ARMH3: variants seen among roughly 807,000 people sequenced by gnomAD.
The protein encoded by ARMH3 is armadillo like helical domain containing 3.
Under a neutral mutation model 99.1 loss-of-function variants are expected in ARMH3, and 60 were observed. The observed-to-expected ratio is 0.61, with a 90% CI of 0.49 to 0.75. ARMH3 has a LOEUF of 0.75. Among genes scored for constraint, ARMH3 ranks in the 30% least tolerant of loss-of-function variants. ARMH3 has a pLI of 0.00. For missense variants in ARMH3, 679 were observed against 843.1 expected (o/e 0.81, Z 2.41); for synonymous variants, 285 against 292.8 (o/e 0.97, Z 0.27).
chr10:101,862,977 G>A (rs1444106867), intron 24 of ARMH3, among the ~76,000 whole-genome samples: 2 of 152,204 alleles, frequency 1.3e-5, no homozygotes, highest in African/African-American at 4.8e-5. Context: ...GCAGAGGCGG[G>A]TGGATCACCT....
Position 101,934,443 on chromosome 10 carries a change from C to T in ARMH3, c.1781+5420G>A, listed in dbSNP as rs542874345. Reference sequence around the variant, plus strand: ...AAAGAAACACACTAAATTCTCATTCCAAACCCCAGGCTTGTCACTAATCAT... The same window carrying T: ...AAAGAAACACACTAAATTCTCATTCTAAACCCCAGGCTTGTCACTAATCAT... On this transcript the variant is annotated intron_variant, in intron 23 of 25. Coordinates refer to ENST00000370033, the MANE Select transcript of ARMH3 (RefSeq NM_024541.3). 2.6e-5 allele frequency among the ~76,000 whole-genome samples: 4 copies of T among 152,290 alleles called. No individual in the cohort carries two copies. The East Asian group carries it at 7.7e-4, about 29-fold the overall frequency.
Position 102,025,157 on chromosome 10 carries a change from G to T in ARMH3, c.506C>A (p.Thr169Asn), listed in dbSNP as rs1209045222. Reference protein sequence around the residue: ...LCLKLLLCLVTVTDNISQNTI... With the variant: ...LCLKLLLCLVNVTDNISQNTI... Reference sequence around the variant, plus strand: ...CCTTGACAAACATAGGTCACTTACGGTCACTAAGCAAAGGAGAAGTTTCAG... The same window carrying T: ...CCTTGACAAACATAGGTCACTTACGTTCACTAAGCAAAGGAGAAGTTTCAG... Residue 169 changes from threonine (T) to asparagine (N), a missense_variant and splice_region_variant, in exon 6 of 26, where the codon ACC becomes AAC. This residue lies in a region of ARMH3 where 280 missense variants were observed against 354.6 expected (regional missense o/e 0.79). Transcript: ENST00000370033. 6.2e-7 allele frequency: 1 copy of T among 1,611,210 alleles called. No homozygotes were observed. The highest frequency in any genetic ancestry group is 1.3e-5 in the African/African-American group (1 of 74,820).
intron 19 of ARMH3, among the ~76,000 whole-genome samples, chr10:101,978,798 G>A (rs1846113425): frequency 6.6e-6 from 1 of 152,014 alleles, no homozygotes; most frequent in Non-Finnish European, 1.5e-5. Flanking sequence ...AAAATTAGCT[G>A]GGCGTGGTGG....
chr10:102,054,605 T>C (rs956487086), intron 1 of ARMH3, among the ~76,000 whole-genome samples: 1 of 152,016 alleles, frequency 6.6e-6, no homozygotes, highest in African/African-American at 2.4e-5. Context: ...CCAAAATAAT[T>C]CCAATCCTGC....
Position 102,033,329 on chromosome 10 carries a change from G to A in ARMH3, c.113C>T (p.Pro38Leu), listed in dbSNP as rs769348346. 1.2e-6 allele frequency: 2 copies of A among 1,614,014 alleles called. No individual in the cohort carries two copies. The highest frequency in any genetic ancestry group is 1.1e-5 in the South Asian group (1 of 91,086). The change falls in exon 3 of 26, where the codon CCC becomes CTC. Residue 38 changes from proline (P) to leucine (L), a missense_variant. By Grantham distance (98) the Pro-to-Leu change is moderately conservative. Around this residue, in one of 3 missense-constraint regions of ARMH3, gnomAD observed 280 missense variants for 354.6 expected, o/e 0.79. Transcript: ENST00000370033. ...CCAAAACCGAGGACTGCACTTACTG[G>A]GGTCCTCTGTCTGAAACCAGAATAT... ...MYDEIFMTED[P>L]SKCSPRFWEE...
At chr10:101,871,525 G>A (rs1411968333) in intron 24 of ARMH3, among the ~76,000 whole-genome samples, 1 of 152,104 alleles carries the variant, frequency 6.6e-6, no homozygotes, top group Admixed American at 6.6e-5. Flanking sequence ...ATGTTCAATT[G>A]ATTTTTTTTT....
chr10:101,909,501 A>C (rs1842783723), intron 23 of ARMH3, among the ~76,000 whole-genome samples: 1 of 110,022 alleles, frequency 9.1e-6, no homozygotes, highest in Admixed American at 1.4e-4. Context: ...ACAGGGTCTC[A>C]CTCTGTCCCG....
At chr10:101,937,074 A>T (rs1320975641) in intron 23 of ARMH3, among the ~76,000 whole-genome samples, 1 of 152,246 alleles carries the variant, frequency 6.6e-6, no homozygotes, top group Non-Finnish European at 1.5e-5. Context: ...AAAGAAAAAA[A>T]TAAGTTTTTC....
intron 19 of ARMH3, among the ~76,000 whole-genome samples, chr10:101,981,546 C>T (rs112780534): frequency 2.3e-3 from 352 of 152,342 alleles, no homozygotes; most frequent in African/African-American, 8.1e-3. Context: ...CCTAAAATTA[C>T]TCTTCTCCAG....
At chr10:102,005,045 A>G (rs886586115) in intron 14 of ARMH3, among the ~76,000 whole-genome samples, 1 of 152,184 alleles carries the variant, frequency 6.6e-6, no homozygotes, top group Non-Finnish European at 1.5e-5. Context: ...TCTACTAAAA[A>G]TACAAAAAAT....
chr10:101,866,165 G>A (rs1322463619), intron 24 of ARMH3, among the ~76,000 whole-genome samples: 1 of 151,570 alleles, frequency 6.6e-6, no homozygotes, highest in African/African-American at 2.4e-5. Flanking sequence ...AGGTTGCAGT[G>A]AGCTGGGATT....
At chr10:101,850,059 T>C (rs910507284) in intron 24 of ARMH3, among the ~76,000 whole-genome samples, 167 bp from the exon 25 acceptor site, 3 of 150,186 alleles carry the variant, frequency 2.0e-5, no homozygotes, top group Admixed American at 6.6e-5. Context: ...GAGCGATGCC[T>C]CAGGTTTCTG....
chr10:102,003,285 C>G (rs2066410225), intron 14 of ARMH3, among the ~76,000 whole-genome samples: 1 of 152,076 alleles, frequency 6.6e-6, no homozygotes, highest in Admixed American at 6.5e-5. Context: ...GCCTCCGCCT[C>G]CCAAATAGCT....
At chr10:102,004,216 C>T (rs983409824) in intron 14 of ARMH3, among the ~76,000 whole-genome samples, 1 of 152,096 alleles carries the variant, frequency 6.6e-6, no homozygotes, top group African/African-American at 2.4e-5. Context: ...GGTGACATAC[C>T]TTTAAATATA....
intron 19 of ARMH3, among the ~76,000 whole-genome samples, chr10:101,979,374 C>T (rs1319160348): frequency 1.3e-5 from 2 of 152,142 alleles, no homozygotes; most frequent in Admixed American, 6.5e-5. Flanking sequence ...TAGTAAAAAT[C>T]CACATATTCT....
chr10:101,854,105 T>G (rs2066676316), intron 24 of ARMH3, among the ~76,000 whole-genome samples: 1 of 152,020 alleles, frequency 6.6e-6, no homozygotes, highest in South Asian at 2.1e-4. Context: ...AGAGCGAGAC[T>G]CCGTCTCAAA....
At chr10:102,011,672 G>A in intron 11 of ARMH3, 51 bp downstream of exon 11, 1 of 1,503,002 alleles carries the variant, frequency 6.7e-7, no homozygotes, top group Non-Finnish European at 9.1e-7. Context: ...CACCCCTGCA[G>A]ACCACACTGT....
intron 8 of ARMH3, among the ~76,000 whole-genome samples, chr10:102,022,238 A>C (rs368014792): frequency 2.0e-5 from 3 of 151,990 alleles, no homozygotes; most frequent in East Asian, 3.9e-4. Flanking sequence ...CAAAAAAATC[A>C]AATCTTTCTA....
intron 24 of ARMH3, among the ~76,000 whole-genome samples, chr10:101,862,499 C>A (rs536213981): frequency 7.9e-4 from 120 of 152,062 alleles, no homozygotes; most frequent in Non-Finnish European, 1.3e-3. Context: ...ATTGCTTGAT[C>A]CCAAGAGGGG....
Sources: allele counts gnomAD v4.1 joint callset (sites outside exome capture counted in the v4.1 genomes callset), GRCh38; gene constraint gnomAD v4.1.1; regional missense constraint gnomAD v4.1.1; transcripts MANE v1.5; gene names NCBI Gene and HGNC (gene_info 2026-07-23, HGNC 2026-07-21).